Variants in RIMS1 observed in about 807,000 individuals in gnomAD.
RIMS1 encodes regulating synaptic membrane exocytosis 1, also known as regulating synaptic membrane exocytosis protein 1.
In RIMS1, 83 loss-of-function variants were observed where a neutral mutation model predicts 214.1. The observed-to-expected ratio is 0.39, with a 90% confidence interval of 0.32 to 0.47. The LOEUF is 0.47. RIMS1 is among the 20% of genes least tolerant of loss of function. The pLI, the probability that RIMS1 is intolerant of heterozygous loss-of-function variation, is 0.99. For missense variants in RIMS1, 2,050 were observed against 2,161.8 expected (o/e 0.95, Z 1.03); for synonymous variants, 793 against 786.8 (o/e 1.01, Z -0.13).
chr6:71,971,717 G>C (rs902860310), intron 2 of RIMS1, among the ~76,000 whole-genome samples: 1 of 152,152 alleles, frequency 6.6e-6, no homozygotes, highest in Non-Finnish European at 1.5e-5. Flanking sequence ...GCAGACAAGA[G>C]AAGAGCTTGT....
chr6:72,235,717 C>T lies in RIMS1; in HGVS notation c.1846C>T (p.Leu616=). 1.3e-6 allele frequency: 2 copies of T among 1,599,494 alleles called. No individual in the cohort carries two copies. The highest frequency in any genetic ancestry group is 1.7e-6 in the Non-Finnish European group (2 of 1,171,154). Residue 616 remains leucine, a synonymous_variant, in exon 8 of 34, where the codon CTG becomes TTG. Transcript: ENST00000521978. ...CATGCCCAAAGACTCAGGTGCATTG[C>T]TGGGTCTGAAAGTAAGTATGCTGGT... ...TTMPKDSGAL[L]GLKVVGGKMT...
chr6:72,213,270 C>T, intron 6 of RIMS1: 1 of 1,469,082 alleles, frequency 6.8e-7, no homozygotes, highest in Non-Finnish European at 9.1e-7. Context: ...CCCAGTTGTA[C>T]CTAAATCTAT....
intron 23 of RIMS1, among the ~76,000 whole-genome samples, chr6:72,277,752 A>G (rs1306998006): frequency 6.6e-6 from 1 of 152,172 alleles, no homozygotes; most frequent in Non-Finnish European, 1.5e-5. Flanking sequence ...CATCATTCCA[A>G]TAACAAAGCA....
intron 33 of RIMS1, 73 bp from the exon 34 acceptor site, chr6:72,400,423 A>G: frequency 7.8e-7 from 1 of 1,276,630 alleles, no homozygotes; most frequent in Non-Finnish European, 1.1e-6. Flanking sequence ...CTTTTACAGC[A>G]TAGTTGCTTT....
intron 2 of RIMS1, among the ~76,000 whole-genome samples, chr6:72,061,659 C>G (rs1827889319): frequency 6.6e-6 from 1 of 152,182 alleles, no homozygotes; most frequent in East Asian, 1.9e-4. Context: ...GGACCCTCCT[C>G]TAGTTTTCTG....
At chr6:72,112,871 A>C (rs2036388458) in intron 4 of RIMS1, among the ~76,000 whole-genome samples, 1 of 152,184 alleles carries the variant, frequency 6.6e-6, no homozygotes, top group Admixed American at 6.6e-5. Flanking sequence ...CAGTATTCTC[A>C]GTGCCAACAA....
chr6:72,279,417 T>C (rs1408052251), intron 23 of RIMS1, among the ~76,000 whole-genome samples: 2 of 152,030 alleles, frequency 1.3e-5, no homozygotes, highest in Non-Finnish European at 2.9e-5. Flanking sequence ...CTTTTATAGC[T>C]TTAAAAGAAT....
intron 1 of RIMS1, among the ~76,000 whole-genome samples, chr6:71,951,557 C>G (rs151021508): frequency 0.012 from 1,819 of 148,132 alleles, 47 homozygotes; most frequent in African/African-American, 0.043. Flanking sequence ...GTGATGCAGT[C>G]ATGGCTCACT....
intron 29 of RIMS1, among the ~76,000 whole-genome samples, chr6:72,339,316 G>A (rs56859342): frequency 0.014 from 2,176 of 151,770 alleles, 56 homozygotes; most frequent in African/African-American, 0.05. Context: ...AAGTTTTAGG[G>A]CACATGTGCA....
intron 29 of RIMS1, among the ~76,000 whole-genome samples, chr6:72,336,681 A>G (rs1364587864): frequency 6.6e-6 from 1 of 151,738 alleles, no homozygotes. Context: ...TTCTCTTTCT[A>G]CATAATAATT....
intron 2 of RIMS1, among the ~76,000 whole-genome samples, chr6:72,082,436 C>T (rs1415981658): frequency 6.6e-6 from 1 of 152,082 alleles, no homozygotes; most frequent in Non-Finnish European, 1.5e-5. Context: ...CATTATTATC[C>T]TCCTTTTACA....
chr6:72,020,216 T>C (rs1311138664), intron 2 of RIMS1, among the ~76,000 whole-genome samples: 1 of 152,238 alleles, frequency 6.6e-6, no homozygotes, highest in Non-Finnish European at 1.5e-5. Context: ...ACTAATACTA[T>C]AATGATAACA....
intron 2 of RIMS1, among the ~76,000 whole-genome samples, chr6:71,970,405 A>G (rs976591889): frequency 1.3e-5 from 2 of 152,174 alleles, no homozygotes; most frequent in Non-Finnish European, 2.9e-5. Context: ...TTATTTTAGA[A>G]TTCAAATTCT....
chr6:72,211,200 G>A (rs908162574), intron 6 of RIMS1, among the ~76,000 whole-genome samples: 1 of 152,134 alleles, frequency 6.6e-6, no homozygotes, highest in Non-Finnish European at 1.5e-5. Context: ...GCCCTCTTCT[G>A]TCCAGAGTTT....
chr6:71,968,883 C>A, intron 1 of RIMS1, 100 bp from the exon 2 acceptor site: 1 of 1,222,406 alleles, frequency 8.2e-7, no homozygotes, highest in Non-Finnish European at 1.2e-6. Flanking sequence ...CTTTCAAAGA[C>A]TTTCCCTTAG....
chr6:72,186,784 C>CA (rs1482212386), intron 6 of RIMS1, among the ~76,000 whole-genome samples: 1 of 151,362 alleles, frequency 6.6e-6, no homozygotes, highest in Non-Finnish European at 1.5e-5. Flanking sequence ...TATGTACCCC[C>CA]CCCCATATAT....
intron 2 of RIMS1, among the ~76,000 whole-genome samples, chr6:72,001,309 C>T (rs1421078630): frequency 3.3e-5 from 5 of 152,116 alleles, no homozygotes; most frequent in African/African-American, 1.2e-4. Context: ...CTTCTCTTGT[C>T]CTGAAACGAA....
intron 2 of RIMS1, among the ~76,000 whole-genome samples, chr6:72,050,143 T>C (rs890709576): frequency 6.6e-6 from 1 of 152,208 alleles, no homozygotes; most frequent in East Asian, 1.9e-4. Flanking sequence ...GGGATGGATC[T>C]GGGCTGAGCG....
rs117687516 is a variant in RIMS1, at chr6:71,888,031, G to A, written c.164+844G>A. ...GCACTCCTCCTCACTTCTTTAGAGC[G>A]CATCAACCCTTCAAGGGATTTCTGT... On this transcript the variant is annotated intron_variant, in intron 1 of 33. Transcript: ENST00000521978. Among the ~76,000 whole-genome samples the A allele has an allele frequency of 2.6e-4, 40 of 152,270 alleles. No homozygotes were observed. In the East Asian group the frequency reaches 7.6e-3, roughly 29 times the overall value.
Sources: gnomAD v4.1 joint callset for allele counts (sites outside exome capture counted in the v4.1 genomes callset) on GRCh38, gnomAD v4.1.1 for gene constraint, MANE v1.5 for transcripts, NCBI Gene and HGNC (gene_info 2026-07-23, HGNC 2026-07-21) for gene names.